Variants in HOOK3 observed in about 807,000 individuals in gnomAD.
HOOK3 encodes hook microtubule tethering protein 3.
A neutral mutation model predicts 116.3 loss-of-function variants in HOOK3; 24 were observed. That is an observed-to-expected ratio of 0.21 (90% CI 0.15 to 0.29). The LOEUF (loss-of-function observed/expected upper bound fraction) is 0.29. HOOK3 is among the 10% of genes least tolerant of loss of function. The pLI, the probability that HOOK3 is intolerant of heterozygous loss-of-function variation, is 1.00. For missense variants in HOOK3, 632 were observed against 830.2 expected, an observed-to-expected ratio of 0.76 and a Z score of 2.93; for synonymous variants, 275 against 283.0, an observed-to-expected ratio of 0.97 and a Z score of 0.28.
intron 13 of HOOK3, among the ~76,000 whole-genome samples, chr8:42,978,588 T>C (rs1808872955): frequency 6.6e-6 from 1 of 152,070 alleles, no homozygotes. Context: ...TTTTTGTATT[T>C]TTTTTAGTAG....
chr8:42,897,243 G>A, intron 1 of HOOK3, 55 bp downstream of exon 1: 4 of 1,161,626 alleles, frequency 3.4e-6, no homozygotes, highest in South Asian at 4.4e-5. Flanking sequence ...CACCTACCGG[G>A]ACCCTCCACG....
At chr8:42,953,425 G>C (rs1049996246) in intron 6 of HOOK3, among the ~76,000 whole-genome samples, 1 of 151,836 alleles carries the variant, frequency 6.6e-6, no homozygotes, top group African/African-American at 2.4e-5. Context: ...TTAGCCGGGC[G>C]TGGTGGCACG....
intron 14 of HOOK3, among the ~76,000 whole-genome samples, chr8:42,984,755 T>A (rs1809018536): frequency 6.6e-6 from 1 of 151,976 alleles, no homozygotes; most frequent in Non-Finnish European, 1.5e-5. Context: ...TACAAAAAAA[T>A]TAGCTGGGTG....
chr8:42,907,717 T>A (rs144661472), intron 2 of HOOK3, among the ~76,000 whole-genome samples: 1 of 147,666 alleles, frequency 6.8e-6, no homozygotes, highest in South Asian at 2.1e-4. Context: ...AGAAAGAAAG[T>A]ATATATATAT....
intron 19 of HOOK3, among the ~76,000 whole-genome samples, chr8:43,012,779 T>G (rs1222236523): frequency 3.3e-5 from 5 of 151,980 alleles, no homozygotes; most frequent in Non-Finnish European, 5.9e-5. Context: ...TTTTAAACAC[T>G]TTTTGTAGAG....
chr8:42,940,141 G>A (rs1369953076), intron 4 of HOOK3, among the ~76,000 whole-genome samples: 1 of 152,256 alleles, frequency 6.6e-6, no homozygotes, highest in East Asian at 1.9e-4. Flanking sequence ...CCGCCGGGAG[G>A]TGGAGGCTGC....
chr8:42,925,192 G>C (rs1190495871), intron 2 of HOOK3, among the ~76,000 whole-genome samples: 8 of 151,980 alleles, frequency 5.3e-5, no homozygotes, highest in Admixed American at 5.2e-4. Context: ...CTGCCTCCCG[G>C]GTTCAAGGGA....
chr8:42,897,044 A>G lies in HOOK3; in HGVS notation c.-88A>G, dbSNP rs1806994883. On this transcript the variant is annotated 5_prime_UTR_variant, in exon 1 of 22. Transcript: ENST00000307602. ...CGAGGAGCAGGCGGGCCTGAGGCCG[A>G]GTCAGCTGCGCGGGCCCCCGGATCC... The G allele has an allele frequency of 1.9e-6, 2 of 1,030,646 alleles. No homozygotes were observed. The highest frequency in any genetic ancestry group is 6.6e-5 in the East Asian group (2 of 30,458). The allele number at this position is 1,030,646 out of a possible 1,614,324, so 63.8% of individuals were successfully genotyped here.
chr8:42,919,079 G>A (rs866105669), intron 2 of HOOK3, among the ~76,000 whole-genome samples: 2 of 151,152 alleles, frequency 1.3e-5, no homozygotes, highest in Admixed American at 1.3e-4. Context: ...GCGGCTGGCC[G>A]GGCGGGGGCT....
chr8:42,983,404 C>T (rs889412550), intron 14 of HOOK3, among the ~76,000 whole-genome samples: 7 of 151,588 alleles, frequency 4.6e-5, no homozygotes, highest in African/African-American at 1.7e-4. Context: ...ATGCTATAGA[C>T]AGGAGGAAAT....
At chr8:42,908,409 ACT>A (rs1468341724) in intron 2 of HOOK3, among the ~76,000 whole-genome samples, 1 of 152,242 alleles carries the variant, frequency 6.6e-6, no homozygotes, top group East Asian at 1.9e-4. Flanking sequence ...CCGATTTTAA[ACT>A]CTGTTGCAAA....
intron 9 of HOOK3, 62 bp from the exon 10 acceptor site, chr8:42,966,410 GT>G: frequency 6.4e-7 from 1 of 1,558,786 alleles, no homozygotes; most frequent in Admixed American, 1.7e-5. Context: ...TTCTTTTACT[GT>G]TCTAAGGAGA....
intron 2 of HOOK3, among the ~76,000 whole-genome samples, chr8:42,921,800 T>G (rs1807662365): frequency 6.6e-6 from 1 of 152,158 alleles, no homozygotes; most frequent in South Asian, 2.1e-4. Context: ...ATTTTTAGTG[T>G]TGTTTATGGA....
intron 2 of HOOK3, among the ~76,000 whole-genome samples, chr8:42,915,377 G>T (rs1807510642): frequency 1.3e-5 from 2 of 151,950 alleles, no homozygotes; most frequent in Admixed American, 1.3e-4. Flanking sequence ...AACAAAACAA[G>T]ACCCAAAAAA....
chr8:42,982,861 C>T lies in HOOK3; in HGVS notation c.1391+165C>T, dbSNP rs923063290. The stretch of plus-strand genomic sequence containing the variant: ...TTTCAACATGTTAAAAGCTTTCTTC[C>T]ACTGGCCTACGGAAAATTGATTTGC... On this transcript the variant is annotated intron_variant, in intron 14 of 21. Coordinates refer to ENST00000307602, the MANE Select transcript of HOOK3 (RefSeq NM_032410.4). Among the ~76,000 whole-genome samples the T allele has an allele frequency of 2.0e-5, 3 of 152,130 alleles. No individual in the cohort carries two copies. The South Asian group carries it at 6.2e-4, about 32-fold the overall frequency.
chr8:42,938,217 C>CTTTTTTTTTTTTTTTTTTTTTTTTTTTT (rs145868661), intron 4 of HOOK3, among the ~76,000 whole-genome samples: 1 of 132,294 alleles, frequency 7.6e-6, no homozygotes, highest in African/African-American at 2.9e-5. Flanking sequence ...GCAACCCCTG[C>CTTTTTTTTTTTTTTTTTTTTTTTTTTTT]TTTTTTTTTT....
intron 16 of HOOK3, among the ~76,000 whole-genome samples, chr8:43,000,541 T>G (rs1303169207): frequency 6.6e-6 from 1 of 152,162 alleles, no homozygotes; most frequent in Non-Finnish European, 1.5e-5. Context: ...TTAATTCACT[T>G]ATATAAATTA....
Position 42,935,999 on chromosome 8 carries a change from G to A in HOOK3, c.267+5827G>A, listed in dbSNP as rs529696048. On this transcript the variant is annotated intron_variant, in intron 4 of 21. Transcript: ENST00000307602. ...CTTTGGGCAGGATGGCCATTTTCACGACATTGATTCTTCCTATCCATGAGC... is the reference window on the plus strand; with the variant it reads ...CTTTGGGCAGGATGGCCATTTTCACAACATTGATTCTTCCTATCCATGAGC... 2.2e-4 allele frequency among the ~76,000 whole-genome samples: 34 copies of A among 152,226 alleles called. No individual in the cohort carries two copies. The East Asian group carries it at 6.0e-3, about 27-fold the overall frequency.
At chr8:42,914,287 A>G (rs1040291540) in intron 2 of HOOK3, among the ~76,000 whole-genome samples, 2 of 152,188 alleles carry the variant, frequency 1.3e-5, no homozygotes, top group Non-Finnish European at 2.9e-5. Flanking sequence ...TGATTTAAGT[A>G]TGCACCTAGA....
Sources: gnomAD v4.1 joint callset for allele counts (sites outside exome capture counted in the v4.1 genomes callset) on GRCh38, gnomAD v4.1.1 for gene constraint, MANE v1.5 for transcripts, NCBI Gene and HGNC (gene_info 2026-07-23, HGNC 2026-07-21) for gene names.